ALK: variants seen among roughly 807,000 people sequenced by gnomAD.
ALK encodes ALK receptor tyrosine kinase.
A neutral mutation model predicts 163.1 loss-of-function variants in ALK; 74 were observed. The ratio of observed to expected loss-of-function variants is 0.45; its 90% CI spans 0.38 to 0.55. The LOEUF is 0.55. Among genes scored for constraint, ALK ranks in the 20% least tolerant of loss-of-function variants. The pLI is 0.00. For synonymous variants in ALK, 960 were observed against 843.2 expected (o/e 1.14, Z -2.40); for missense variants, 2,063 against 2,105.3 (o/e 0.98, Z 0.39).
At chr2:29,865,344 C>A (rs566841606) in intron 1 of ALK, among the ~76,000 whole-genome samples, 5 of 152,320 alleles carry the variant, frequency 3.3e-5, no homozygotes, top group African/African-American at 1.2e-4. Context: ...CAAGAACAGG[C>A]AAGGAGCTGG....
chr2:29,470,706 C>A (rs1207227473), intron 4 of ALK, among the ~76,000 whole-genome samples: 1 of 149,528 alleles, frequency 6.7e-6, no homozygotes, highest in Non-Finnish European at 1.5e-5. Context: ...TTTTTGCCAG[C>A]AGACCCTTAC....
chr2:29,530,839 A>T (rs564549627), intron 4 of ALK, among the ~76,000 whole-genome samples: 86 of 152,320 alleles, frequency 5.6e-4, no homozygotes, highest in African/African-American at 2.0e-3. Context: ...AGGCAAGAAG[A>T]TGGATATGAG....
intron 23 of ALK, among the ~76,000 whole-genome samples, chr2:29,217,353 G>A (rs552556821): frequency 2.3e-4 from 33 of 145,716 alleles, no homozygotes; most frequent in South Asian, 1.5e-3. Context: ...TGTGTTGTGC[G>A]TGTGTGGTGT....
At chr2:29,472,488 T>G (rs987331913) in intron 4 of ALK, among the ~76,000 whole-genome samples, 1 of 152,216 alleles carries the variant, frequency 6.6e-6, no homozygotes, top group African/African-American at 2.4e-5. Flanking sequence ...TCATACTTAA[T>G]GATGAAATAT....
rs2148215041 is a variant in ALK at position 29,275,145 on chromosome 2, T to A, written c.1995A>T (p.Lys665Asn). ...LFERNPNKEL[K>N]PGENSPRQTP... ...TCTGTCTTGGTGAATTTTCCCCGGG[T>A]TTCAGCTCCTTGTTTGGGTTTCTCT... The change falls in exon 11 of 29, where the codon AAA becomes AAT. Residue 665 changes from lysine (K) to asparagine (N), a missense_variant. Physicochemically the swap from Lys to Asn is moderately conservative, Grantham distance 94 (BLOSUM62 0). Coordinates refer to ENST00000389048, the MANE Select transcript of ALK (RefSeq NM_004304.5). The A allele has an allele frequency of 6.2e-7, 1 of 1,614,114 alleles. No homozygotes were observed. The highest frequency in any genetic ancestry group is 2.2e-5 in the East Asian group (1 of 44,874).
chr2:29,872,771 C>G (rs1455562618), intron 1 of ALK, among the ~76,000 whole-genome samples: 1 of 152,208 alleles, frequency 6.6e-6, no homozygotes, highest in Non-Finnish European at 1.5e-5. Context: ...TCTATAATCA[C>G]TAAGGTCTCT....
At chr2:29,363,899 A>C (rs1375292637) in intron 5 of ALK, among the ~76,000 whole-genome samples, 1 of 152,222 alleles carries the variant, frequency 6.6e-6, no homozygotes, top group Non-Finnish European at 1.5e-5. Context: ...AAACTGAAGT[A>C]ACATGGGCAT....
chr2:29,379,701 C>T (rs1310457593), intron 5 of ALK, among the ~76,000 whole-genome samples: 2 of 151,956 alleles, frequency 1.3e-5, no homozygotes, highest in Admixed American at 1.3e-4. Flanking sequence ...GAAAGCGCCA[C>T]AAAAGAAGGA....
chr2:29,271,660 G>A (rs368307787), intron 11 of ALK, among the ~76,000 whole-genome samples: 27 of 152,250 alleles, frequency 1.8e-4, no homozygotes, highest in African/African-American at 6.5e-4. Flanking sequence ...GACCTGCAGA[G>A]GCAGAATGGC....
rs547295987 is a variant in ALK, at chr2:29,621,740, T to C, written c.952+73110A>G. ...ACTCTTTGGGTTGAAAGAATATCTA[T>C]CCTCCAGGTGACCCCCTCAAGAATT... is the stretch of plus-strand genomic sequence containing the variant. On this transcript the variant is annotated intron_variant, in intron 3 of 28. Coordinates refer to ENST00000389048, the MANE Select transcript of ALK (RefSeq NM_004304.5). Among the ~76,000 whole-genome samples the C allele has an allele frequency of 5.3e-5, 8 of 152,268 alleles. No individual in the cohort carries two copies. The South Asian group carries it at 1.5e-3, about 28-fold the overall frequency.
chr2:29,270,877 T>C (rs75408897), intron 11 of ALK, among the ~76,000 whole-genome samples: 1,791 of 152,280 alleles, frequency 0.012, 29 homozygotes, highest in African/African-American at 0.04. Flanking sequence ...TCTCACATCT[T>C]GGACCTCCCA....
At chr2:29,595,319 ATTTTTTTT>A (rs10641464) in intron 3 of ALK, among the ~76,000 whole-genome samples, 1 of 123,990 alleles carries the variant, frequency 8.1e-6, no homozygotes, top group Admixed American at 8.1e-5. Flanking sequence ...GTCTTACTGG[ATTTTTTTT>A]TTTTTTTTTT....
intron 1 of ALK, among the ~76,000 whole-genome samples, chr2:29,859,824 G>A (rs1460328274): frequency 6.6e-6 from 1 of 152,198 alleles, no homozygotes; most frequent in African/African-American, 2.4e-5. Flanking sequence ...AAGCAAAGTT[G>A]AGAGATGTGC....
At chr2:29,337,188 T>A (rs1387836747) in intron 5 of ALK, among the ~76,000 whole-genome samples, 1 of 152,240 alleles carries the variant, frequency 6.6e-6, no homozygotes, top group Non-Finnish European at 1.5e-5. Context: ...CAGAGACCAG[T>A]CCTGCTGAGG....
At chr2:29,455,117 A>G (rs1380652029) in intron 4 of ALK, among the ~76,000 whole-genome samples, 1 of 152,142 alleles carries the variant, frequency 6.6e-6, no homozygotes, top group Non-Finnish European at 1.5e-5. Flanking sequence ...TGTCTATTTC[A>G]TAATAGACAT....
intron 1 of ALK, among the ~76,000 whole-genome samples, chr2:29,855,017 G>A (rs1248033541): frequency 6.6e-6 from 1 of 152,060 alleles, no homozygotes; most frequent in Non-Finnish European, 1.5e-5. Flanking sequence ...TTGTATCTGT[G>A]ACTTTTTTCT....
chr2:29,482,547 G>A (rs140338580), intron 4 of ALK, among the ~76,000 whole-genome samples: 1 of 152,144 alleles, frequency 6.6e-6, no homozygotes, highest in East Asian at 1.9e-4. Context: ...GTGACCTGAT[G>A]CTTTAAATAG....
chr2:29,216,648 C>T (rs114795488), intron 23 of ALK, among the ~76,000 whole-genome samples: 2 of 146,990 alleles, frequency 1.4e-5, no homozygotes, highest in African/African-American at 2.5e-5. Context: ...TGTATATGTG[C>T]GTATGGTGTG....
chr2:29,593,765 C>G (rs1675126827), intron 3 of ALK, among the ~76,000 whole-genome samples: 2 of 152,234 alleles, frequency 1.3e-5, no homozygotes, highest in African/African-American at 4.8e-5. Flanking sequence ...TTTACTTCCT[C>G]TGATATCCTA....
Sources: gnomAD v4.1 joint callset for allele counts (sites outside exome capture counted in the v4.1 genomes callset) on GRCh38, gnomAD v4.1.1 for gene constraint, MANE v1.5 for transcripts, NCBI Gene and HGNC (gene_info 2026-07-23, HGNC 2026-07-21) for gene names.